PTPN22: variants seen among roughly 807,000 people sequenced by gnomAD.
PTPN22 encodes the protein tyrosine-protein phosphatase non-receptor type 22.
A neutral mutation model predicts 103.3 loss-of-function variants in PTPN22; 85 were observed. That is an observed-to-expected ratio of 0.82 (90% CI 0.69 to 0.99). The LOEUF (loss-of-function observed/expected upper bound fraction) is 0.99, where lower values mean the gene tolerates loss of function less well. PTPN22 is among the 50% of genes least tolerant of loss of function. PTPN22 has a pLI of 0.00. For synonymous variants in PTPN22, 323 were observed against 310.2 expected (o/e 1.04, Z -0.43); for missense variants, 865 against 936.9 (o/e 0.92, Z 1.00).
intron 2 of PTPN22, 106 bp from the exon 3 acceptor site, chr1:113,859,184 G>GTGAATGAA: frequency 1.3e-6 from 2 of 1,555,736 alleles, no homozygotes; most frequent in Non-Finnish European, 1.7e-6. Flanking sequence ...GAACAAGTGA[G>GTGAATGAA]TGAATGAATG....
rs1487352811 is a variant in PTPN22, at chr1:113,871,543, T to C, written c.81A>G (p.Glu27=). ...GGTCACATACAGGACTCACCAGAAA[T>C]TCATTGGCAAACTCCTCTTTAGTAA... Residue 27 remains glutamate, a synonymous_variant, in exon 1 of 21, where the codon GAA becomes GAG. Transcript: ENST00000359785. The C allele has an allele frequency of 3.7e-6, 6 of 1,613,730 alleles. No homozygotes were observed. The Admixed American group carries it at 8.3e-5, about 22-fold the overall frequency.
At chr1:113,825,736 T>C (rs1661995783) in intron 18 of PTPN22, among the ~76,000 whole-genome samples, 1 of 151,722 alleles carries the variant, frequency 6.6e-6, no homozygotes, top group African/African-American at 2.4e-5. Context: ...GTTGTTGAGA[T>C]GGAGTCTCGC....
intron 11 of PTPN22, among the ~76,000 whole-genome samples, chr1:113,840,417 G>A (rs1663446447): frequency 6.6e-6 from 1 of 151,858 alleles, no homozygotes; most frequent in African/African-American, 2.4e-5. Flanking sequence ...AGAACATTAA[G>A]GAAACAGTTA....
chr1:113,839,094 T>A (rs1663282844), intron 11 of PTPN22, among the ~76,000 whole-genome samples: 1 of 152,194 alleles, frequency 6.6e-6, no homozygotes, highest in Non-Finnish European at 1.5e-5. Context: ...TTACACTTAC[T>A]ATTCCCCCTG....
At chr1:113,821,096 T>C (rs556073654) in intron 19 of PTPN22, among the ~76,000 whole-genome samples, 1 of 152,160 alleles carries the variant, frequency 6.6e-6, no homozygotes, top group African/African-American at 2.4e-5. Context: ...GAGACATTAA[T>C]AGAAAGTAGT....
chr1:113,832,991 T>C (rs1370871004), intron 16 of PTPN22, 120 bp downstream of exon 16: 19 of 978,150 alleles, frequency 1.9e-5, no homozygotes, highest in Non-Finnish European at 2.1e-5. Flanking sequence ...AATAAATCAA[T>C]GAATACTGGA....
At chr1:113,837,323 G>A (rs758610434) in intron 13 of PTPN22, among the ~76,000 whole-genome samples, 7 of 151,608 alleles carry the variant, frequency 4.6e-5, no homozygotes, top group Admixed American at 1.3e-4. Flanking sequence ...GGTGGCGCGC[G>A]CCTGTAATCC....
intron 15 of PTPN22, among the ~76,000 whole-genome samples, chr1:113,833,728 C>A (rs995341545): frequency 1.3e-5 from 2 of 152,142 alleles, no homozygotes. Flanking sequence ...CACCTACTTT[C>A]AATAATTATT....
At chr1:113,841,885 G>A (rs1447213485) in intron 11 of PTPN22, among the ~76,000 whole-genome samples, 1 of 152,110 alleles carries the variant, frequency 6.6e-6, no homozygotes, top group Non-Finnish European at 1.5e-5. Context: ...TTACAGGCGT[G>A]AGCCACCGCA....
At chr1:113,871,593 G>T (rs1302865964) in exon 1 of PTPN22, 1 of 1,613,886 alleles carries the variant, frequency 6.2e-7, no homozygotes, top group Non-Finnish European at 8.5e-7. Context: ...GCCTCATCCA[G>T]GAACTTCTGC....
chr1:113,816,951 G>A (rs1192551145), intron 20 of PTPN22, among the ~76,000 whole-genome samples: 1 of 151,792 alleles, frequency 6.6e-6, no homozygotes, highest in Non-Finnish European at 1.5e-5. Flanking sequence ...AACTATGCCA[G>A]AACTGGAAGA....
At chr1:113,859,371 T>C in exon 2 of PTPN22, 1 of 1,612,258 alleles carries the variant, frequency 6.2e-7, no homozygotes, top group Non-Finnish European at 8.5e-7. Context: ...TATCCTTATA[T>C]CTGTTTTTCT....
At chr1:113,854,449 G>GT (rs755991042) in intron 9 of PTPN22, 22 bp downstream of exon 9, 2 of 1,596,940 alleles carry the variant, frequency 1.3e-6, no homozygotes, top group Non-Finnish European at 1.7e-6. Context: ...CAAATGGGAA[G>GT]TGCCTGCTGA....
chr1:113,853,859 C>CTTTTTTTTTTT (rs894010114), intron 9 of PTPN22, among the ~76,000 whole-genome samples: 14 of 67,152 alleles, frequency 2.1e-4, no homozygotes, highest in African/African-American at 4.6e-4. Context: ...TTTTTTTTTG[C>CTTTTTTTTTTT]TTTTTTTTTT....
exon 8 of PTPN22, chr1:113,854,907 C>G: frequency 6.2e-7 from 1 of 1,613,068 alleles, no homozygotes; most frequent in Non-Finnish European, 8.5e-7. Flanking sequence ...AGTGTCATAC[C>G]TGCAGTGAAT....
At chr1:113,871,744 GTGGTT>G, upstream of PTPN22, 1 of 798,726 alleles carries the variant, frequency 1.3e-6, no homozygotes, top group Non-Finnish European at 2.1e-6. Flanking sequence ...GCTGAAGGCT[GTGGTT>G]TACTGACTTC....
intron 20 of PTPN22, among the ~76,000 whole-genome samples, chr1:113,815,871 G>T (rs1215207492): frequency 6.6e-6 from 1 of 152,104 alleles, no homozygotes; most frequent in African/African-American, 2.4e-5. Context: ...TAGAGATGGG[G>T]TTTCACCCTG....
chr1:113,815,128 G>A (rs1217413), intron 20 of PTPN22, among the ~76,000 whole-genome samples, 159 bp from the exon 21 acceptor site: 122,948 of 152,110 alleles, frequency 0.81, 50,702 homozygotes, highest in African/African-American at 0.96. Flanking sequence ...TAAAGGGATT[G>A]TAGTAATCTA....
chr1:113,847,691 G>A (rs1434518471), intron 11 of PTPN22, among the ~76,000 whole-genome samples: 1 of 151,440 alleles, frequency 6.6e-6, no homozygotes, highest in Non-Finnish European at 1.5e-5. Context: ...TGATTCTCAT[G>A]CCTCAGCCTC....
Sources: allele counts gnomAD v4.1 joint callset (sites outside exome capture counted in the v4.1 genomes callset), GRCh38; gene constraint gnomAD v4.1.1; transcripts MANE v1.5; gene names NCBI Gene and HGNC (gene_info 2026-07-23, HGNC 2026-07-21).